The following KCNQ5 variants were observed in gnomAD, a reference collection of about 807,000 sequenced individuals.
KCNQ5 encodes the protein potassium voltage-gated channel subfamily KQT member 5.
Under a neutral mutation model 98.2 loss-of-function variants are expected in KCNQ5, and 30 were observed. The observed-to-expected ratio is 0.31, with a 90% CI of 0.23 to 0.41. The LOEUF is 0.41. Among genes scored for constraint, KCNQ5 ranks in the 10% least tolerant of loss-of-function variants. The pLI is 1.00. For missense variants in KCNQ5, 835 were observed against 1,182.5 expected, an observed-to-expected ratio of 0.71 and a Z score of 4.31; for synonymous variants, 458 against 449.4, an observed-to-expected ratio of 1.02 and a Z score of -0.24.
At chr6:73,055,565 A>G (rs1011716254) in intron 3 of KCNQ5, 19 of 1,414,048 alleles carry the variant, frequency 1.3e-5, no homozygotes, top group Non-Finnish European at 1.7e-5. Context: ...GAAGGACACT[A>G]TTGCCAGAGC....
chr6:73,160,491 T>C (rs1176572767), intron 10 of KCNQ5, among the ~76,000 whole-genome samples: 1 of 152,190 alleles, frequency 6.6e-6, no homozygotes, highest in Non-Finnish European at 1.5e-5. Context: ...GGCTGAGGCC[T>C]TCAAGCTCAA....
chr6:73,050,302 GGAAGGA>G (rs1562147955), intron 3 of KCNQ5, among the ~76,000 whole-genome samples: 8 of 133,130 alleles, frequency 6.0e-5, no homozygotes, highest in African/African-American at 2.3e-4. Flanking sequence ...AAGGAAGGAA[GGAAGGA>G]AGGGAGGGAA....
chr6:73,040,783 A>G (rs1771653607), intron 2 of KCNQ5, among the ~76,000 whole-genome samples: 1 of 152,214 alleles, frequency 6.6e-6, no homozygotes, highest in African/African-American at 2.4e-5. Flanking sequence ...ATATCATCAC[A>G]TGCTCTAATT....
chr6:72,979,315 T>C (rs1243002495), intron 1 of KCNQ5, among the ~76,000 whole-genome samples: 5 of 152,254 alleles, frequency 3.3e-5, no homozygotes, highest in African/African-American at 1.2e-4. Flanking sequence ...TTCCTATTTC[T>C]CCACATCCTC....
At chr6:73,106,987 T>G (rs1206005476) in intron 6 of KCNQ5, among the ~76,000 whole-genome samples, 1 of 151,614 alleles carries the variant, frequency 6.6e-6, no homozygotes, top group Non-Finnish European at 1.5e-5. Flanking sequence ...AAAAAAATCT[T>G]ACGTATCCAA....
chr6:72,624,137 C>G (rs766835987), intron 1 of KCNQ5, among the ~76,000 whole-genome samples: 2 of 152,136 alleles, frequency 1.3e-5, no homozygotes, highest in Non-Finnish European at 2.9e-5. Context: ...AAAAGTATAA[C>G]TTTTATGTAA....
At chr6:72,632,714 G>T (rs1429666710) in intron 1 of KCNQ5, among the ~76,000 whole-genome samples, 1 of 152,068 alleles carries the variant, frequency 6.6e-6, no homozygotes, top group East Asian at 1.9e-4. Flanking sequence ...ATTCACTTAG[G>T]ATTATCGCTT....
In KCNQ5 at chr6:73,082,397, A is replaced by C. The variant is rs541802735; in HGVS notation, c.918+4510A>C. ...AATTCAAAACGTCATGACCTTACCT[A>C]TGATATTATAAAGATCATACTCAAA... On this transcript the variant is annotated intron_variant, in intron 5 of 13. Coordinates refer to ENST00000370398, the MANE Select transcript of KCNQ5 (RefSeq NM_019842.4). Among the ~76,000 whole-genome samples, 11 of 152,310 alleles carry C rather than the reference A, an allele frequency of 7.2e-5. No individual in the cohort carries two copies. The South Asian group carries it at 2.3e-3, about 32-fold the overall frequency.
intron 3 of KCNQ5, among the ~76,000 whole-genome samples, chr6:73,047,315 G>A (rs1389162312): frequency 6.6e-6 from 1 of 152,142 alleles, no homozygotes; most frequent in Non-Finnish European, 1.5e-5. Flanking sequence ...TAACCTGAAT[G>A]GGAAATTAGG....
chr6:72,739,781 C>T lies in KCNQ5; in HGVS notation c.398+117194C>T, dbSNP rs149296584. 3.6e-4 allele frequency among the ~76,000 whole-genome samples: 55 copies of T among 152,120 alleles called. 1 individual carries two copies. In the South Asian group the frequency reaches 6.9e-3, roughly 19 times the overall value. Reference sequence around the variant, plus strand: ...TACTGACTATTCGATAGTCCCAGGACCTGAAGTCTTTCAGAGTCTGCTTCA... The same window carrying T: ...TACTGACTATTCGATAGTCCCAGGATCTGAAGTCTTTCAGAGTCTGCTTCA... On this transcript the variant is annotated intron_variant, in intron 1 of 13. Coordinates refer to ENST00000370398, the MANE Select transcript of KCNQ5 (RefSeq NM_019842.4).
At chr6:72,655,121 A>C (rs1308550888) in intron 1 of KCNQ5, among the ~76,000 whole-genome samples, 1 of 147,044 alleles carries the variant, frequency 6.8e-6, no homozygotes, top group Non-Finnish European at 1.5e-5. Context: ...TCTCTCAGAA[A>C]AGAAAAAACA....
At chr6:72,880,879 T>A (rs1778610222) in intron 1 of KCNQ5, among the ~76,000 whole-genome samples, 1 of 152,200 alleles carries the variant, frequency 6.6e-6, no homozygotes, top group South Asian at 2.1e-4. Flanking sequence ...TTTACTAGAA[T>A]GTCCAGTACA....
intron 8 of KCNQ5, among the ~76,000 whole-genome samples, chr6:73,123,536 T>C (rs928558467): frequency 3.9e-4 from 60 of 152,136 alleles, no homozygotes; most frequent in African/African-American, 1.4e-3. Context: ...AGTTCCTTAC[T>C]CTCTCTTTTC....
At chr6:73,140,713 G>A (rs1776670102) in intron 10 of KCNQ5, among the ~76,000 whole-genome samples, 1 of 152,318 alleles carries the variant, frequency 6.6e-6, no homozygotes. Context: ...AATTGTTGGA[G>A]TAATTCTATG....
At chr6:73,166,454 C>T (rs1815726) in intron 10 of KCNQ5, among the ~76,000 whole-genome samples, 105,533 of 148,814 alleles carry the variant, frequency 0.71, 38,722 homozygotes, top group African/African-American at 0.88. Context: ...AAAAAAAAAC[C>T]GCTTCATGGG....
intron 1 of KCNQ5, among the ~76,000 whole-genome samples, chr6:72,854,034 G>T (rs1367584927): frequency 6.6e-6 from 1 of 152,136 alleles, no homozygotes; most frequent in Non-Finnish European, 1.5e-5. Context: ...TCATGCCAGT[G>T]CCCTACTCTG....
intron 5 of KCNQ5, among the ~76,000 whole-genome samples, chr6:73,096,488 C>G (rs936621129): frequency 6.6e-6 from 1 of 152,060 alleles, no homozygotes; most frequent in Non-Finnish European, 1.5e-5. Context: ...GGAGCTGGGA[C>G]TTTGTTCTAA....
chr6:72,867,989 T>C (rs893535958), intron 1 of KCNQ5, among the ~76,000 whole-genome samples: 2 of 151,822 alleles, frequency 1.3e-5, no homozygotes, highest in African/African-American at 2.4e-5. Flanking sequence ...ATAATAATAA[T>C]TGGAGAGTCT....
chr6:72,730,823 G>A (rs2207267), intron 1 of KCNQ5, among the ~76,000 whole-genome samples: 55,307 of 151,118 alleles, frequency 0.37, 13,663 homozygotes, highest in African/African-American at 0.67. Context: ...TTTAGAATGA[G>A]TTTATTTTGT....
Sources: gnomAD v4.1 joint callset for allele counts (sites outside exome capture counted in the v4.1 genomes callset) on GRCh38, gnomAD v4.1.1 for gene constraint, MANE v1.5 for transcripts, NCBI Gene and HGNC (gene_info 2026-07-23, HGNC 2026-07-21) for gene names.